ZYG11B: variants seen among roughly 807,000 people sequenced by gnomAD.
ZYG11B encodes protein zyg-11 homolog B.
A neutral mutation model predicts 82.4 loss-of-function variants in ZYG11B; 36 were observed. The ratio of observed to expected loss-of-function variants is 0.44; its 90% CI spans 0.33 to 0.58. The LOEUF (loss-of-function observed/expected upper bound fraction) is 0.58, where lower values mean the gene tolerates loss of function less well. Among genes scored for constraint, ZYG11B ranks in the 20% least tolerant of loss-of-function variants. The pLI is 0.02. For missense variants in ZYG11B, 552 were observed against 895.6 expected, an observed-to-expected ratio of 0.62 and a Z score of 4.90; for synonymous variants, 303 against 312.8, an observed-to-expected ratio of 0.97 and a Z score of 0.33.
chr1:52,802,924 G>A (rs931663513), intron 10 of ZYG11B, among the ~76,000 whole-genome samples: 37 of 151,054 alleles, frequency 2.4e-4, no homozygotes, highest in African/African-American at 9.0e-4. Flanking sequence ...GGAGGCTGAG[G>A]CAGGAGAATT....
chr1:52,741,298 CAAAAA>C (rs770092920), intron 1 of ZYG11B, among the ~76,000 whole-genome samples: 1,536 of 72,220 alleles, frequency 0.021, 39 homozygotes, highest in African/African-American at 0.065. Flanking sequence ...GACTTCGTCT[CAAAAA>C]AAAAAAAAAA....
At chr1:52,778,141 A>G (rs1444540466) in intron 3 of ZYG11B, among the ~76,000 whole-genome samples, 1 of 152,248 alleles carries the variant, frequency 6.6e-6, no homozygotes, top group Non-Finnish European at 1.5e-5. Flanking sequence ...AGGCACCTGT[A>G]TAATCTTGTC....
intron 2 of ZYG11B, among the ~76,000 whole-genome samples, chr1:52,762,985 G>A (rs905408748): frequency 3.6e-5 from 5 of 138,628 alleles, no homozygotes; most frequent in Non-Finnish European, 6.3e-5. Context: ...TTGGGGGGGG[G>A]GGGTCTAGTT....
Position 52,825,548 on chromosome 1 carries a change from G to GT in ZYG11B, c.*3922dup, listed in dbSNP as rs1056863910. ...AAACTTCTACATAATCAAGTTTTATGTTTAAAACCATCGGTTCTATATATC... is the reference window on the plus strand; with the variant it reads ...AAACTTCTACATAATCAAGTTTTATGTTTTAAAACCATCGGTTCTATATATC... On this transcript the variant is annotated 3_prime_UTR_variant, in exon 14 of 14. Transcript: ENST00000294353. The GT allele has an allele frequency of 3.4e-5, 5 of 148,982 alleles. No individual in the cohort carries two copies. The highest frequency in any genetic ancestry group is 1.2e-4 in the African/African-American group (5 of 40,438). 9.2% of individuals were successfully genotyped at this position (148,982 alleles called of 1,614,324 possible).
At position 52,821,485 on chromosome 1, in the gene ZYG11B, T is replaced by G. The variant is rs1174933821; in HGVS notation, c.2091T>G (p.His697Gln). ...TGATTGAAGAAGGAGGATTGCAGCATTTATACAACATCAAAGATCATGAAC... is the reference window on the plus strand; with the variant it reads ...TGATTGAAGAAGGAGGATTGCAGCAGTTATACAACATCAAAGATCATGAAC... Reference protein sequence around the residue: ...SMLIEEGGLQHLYNIKDHEHT... With the variant: ...SMLIEEGGLQQLYNIKDHEHT... Residue 697 changes from histidine (H) to glutamine (Q), a missense_variant, in exon 14 of 14, where the codon CAT becomes CAG. By Grantham distance (24) the His-to-Gln change is conservative. This residue lies in a region of ZYG11B where 127 missense variants were observed against 163.4 expected (regional missense o/e 0.78). Coordinates refer to ENST00000294353, the MANE Select transcript of ZYG11B (RefSeq NM_024646.3). 1 of 1,612,420 alleles carries G rather than the reference T, an allele frequency of 6.2e-7. No homozygotes were observed. The highest frequency in any genetic ancestry group is 1.1e-5 in the South Asian group (1 of 90,806).
intron 1 of ZYG11B, among the ~76,000 whole-genome samples, chr1:52,743,718 C>T (rs141272276): frequency 5.7e-4 from 87 of 151,900 alleles, no homozygotes; most frequent in Non-Finnish European, 1.0e-3. Context: ...CCCCACCCCC[C>T]AAAAAGAAAA....
At chr1:52,729,503 C>A (rs1168334297) in intron 1 of ZYG11B, among the ~76,000 whole-genome samples, 1 of 152,166 alleles carries the variant, frequency 6.6e-6, no homozygotes, top group African/African-American at 2.4e-5. Flanking sequence ...GTAGAGGCCA[C>A]TTTCTCGTGC....
intron 4 of ZYG11B, among the ~76,000 whole-genome samples, chr1:52,780,533 A>G (rs1361477022): frequency 6.6e-6 from 1 of 152,208 alleles, no homozygotes; most frequent in Non-Finnish European, 1.5e-5. Context: ...AGACAAAGCA[A>G]ATATTGAAAT....
At chr1:52,789,320 C>T (rs1014719887) in intron 5 of ZYG11B, among the ~76,000 whole-genome samples, 3 of 152,182 alleles carry the variant, frequency 2.0e-5, no homozygotes, top group African/African-American at 4.8e-5. Flanking sequence ...ATCTTCCAAT[C>T]GTACACAAAA....
intron 10 of ZYG11B, among the ~76,000 whole-genome samples, chr1:52,812,711 GGTTT>G (rs59906595): frequency 0.031 from 4,604 of 149,772 alleles, 239 homozygotes; most frequent in African/African-American, 0.11. Flanking sequence ...GGCTGTTTTG[GGTTT>G]GTTTGTTTGT....
intron 13 of ZYG11B, among the ~76,000 whole-genome samples, chr1:52,820,714 TAAAAAAA>T (rs34434230): frequency 4.8e-4 from 13 of 27,232 alleles, no homozygotes; most frequent in Non-Finnish European, 3.9e-4. Flanking sequence ...AGACTGTCTT[TAAAAAAA>T]AAAAAAAAAA....
At chr1:52,744,786 A>G (rs1286913951) in intron 1 of ZYG11B, among the ~76,000 whole-genome samples, 9 of 152,192 alleles carry the variant, frequency 5.9e-5, no homozygotes, top group Admixed American at 5.9e-4. Context: ...AGGAGGTTGC[A>G]GTGAGCTGAG....
chr1:52,774,672 C>T (rs187803018), intron 3 of ZYG11B, among the ~76,000 whole-genome samples: 87 of 144,010 alleles, frequency 6.0e-4, no homozygotes, highest in African/African-American at 2.4e-3. Context: ...CTCAGCGATC[C>T]TCCCACCTTG....
intron 1 of ZYG11B, among the ~76,000 whole-genome samples, chr1:52,742,895 G>A (rs1343585662): frequency 4.0e-5 from 6 of 151,132 alleles, no homozygotes; most frequent in African/African-American, 9.7e-5. Flanking sequence ...GTTCTGGGGG[G>A]CAGCCCCCGC....
chr1:52,797,831 A>T (rs747996871), intron 8 of ZYG11B, among the ~76,000 whole-genome samples: 150 of 150,608 alleles, frequency 1.0e-3, no homozygotes, highest in Admixed American at 2.2e-3. Flanking sequence ...TTTAATAAAA[A>T]TTTTTTGTGG....
intron 8 of ZYG11B, among the ~76,000 whole-genome samples, chr1:52,797,243 GTA>G (rs1558137630): frequency 1.6e-5 from 1 of 63,400 alleles, no homozygotes; most frequent in East Asian, 5.1e-4. Context: ...ATATAAATTT[GTA>G]TATATAATAT....
At chr1:52,755,732 C>T (rs534463006) in intron 1 of ZYG11B, among the ~76,000 whole-genome samples, 57 of 148,474 alleles carry the variant, frequency 3.8e-4, no homozygotes, top group African/African-American at 1.3e-3. Context: ...CTCGAACTCC[C>T]GACCTCAGGT....
At chr1:52,764,406 A>G (rs892813841) in intron 2 of ZYG11B, among the ~76,000 whole-genome samples, 2 of 151,468 alleles carry the variant, frequency 1.3e-5, no homozygotes, top group African/African-American at 2.4e-5. Context: ...AAGTGCTGGG[A>G]TTATAGGTGT....
intron 1 of ZYG11B, among the ~76,000 whole-genome samples, chr1:52,746,687 G>GTTTTTTTT (rs11446988): frequency 0.034 from 1,136 of 33,470 alleles, 315 homozygotes; most frequent in East Asian, 0.048. Context: ...ATCGGCCACT[G>GTTTTTTTT]TTTTTTTTTT....
Sources: gnomAD v4.1 joint callset for allele counts (sites outside exome capture counted in the v4.1 genomes callset) on GRCh38, gnomAD v4.1.1 for gene constraint, gnomAD v4.1.1 regional missense constraint, MANE v1.5 for transcripts, NCBI Gene and HGNC (gene_info 2026-07-23, HGNC 2026-07-21) for gene names.